R3HDM1: variants seen among roughly 807,000 people sequenced by gnomAD.
R3HDM1 encodes the protein R3H domain containing 1.
In R3HDM1, 46 loss-of-function variants were observed where a neutral mutation model predicts 141.1. The ratio of observed to expected loss-of-function variants is 0.33; its 90% confidence interval spans 0.26 to 0.42. R3HDM1 has a LOEUF of 0.42. R3HDM1 is among the 10% of genes least tolerant of loss of function. The pLI is 1.00. For missense variants in R3HDM1, 1,184 were observed against 1,368.3 expected, an observed-to-expected ratio of 0.87 and a Z score of 2.12; for synonymous variants, 435 against 472.9, an observed-to-expected ratio of 0.92 and a Z score of 1.04.
chr2:135,537,411 C>A (rs2104881944), intron 1 of R3HDM1, among the ~76,000 whole-genome samples: 1 of 149,864 alleles, frequency 6.7e-6, no homozygotes, highest in East Asian at 2.0e-4. Flanking sequence ...TCAGCCCCCC[C>A]AAGTAGCTGG....
chr2:135,576,449 C>G (rs922328588), intron 1 of R3HDM1, among the ~76,000 whole-genome samples: 1 of 151,862 alleles, frequency 6.6e-6, no homozygotes, highest in East Asian at 1.9e-4. Flanking sequence ...ATCTGAATGT[C>G]CCAGATAATA....
In R3HDM1 at chr2:135,721,934, G is replaced by A. The variant is rs1436215689; in HGVS notation, c.2892G>A (p.Arg964=). The part of the protein sequence containing the change: ...RPFVPGQGDS[R]YPLLGQPLQY... ...TTTATTGACTTTCAGGAGATTCCAGGTATCCATTACTTGGCCAGCCACTGC... is the reference window on the plus strand; with the variant it reads ...TTTATTGACTTTCAGGAGATTCCAGATATCCATTACTTGGCCAGCCACTGC... Residue 964 remains arginine (R), a synonymous_variant, in exon 25 of 27, where the codon AGG becomes AGA. Transcript: ENST00000683871. 1.9e-6 allele frequency: 3 copies of A among 1,613,088 alleles called. No individual in the cohort carries two copies. Among genetic ancestry groups the A allele is most frequent in the African/African-American group, 2.7e-5 (2 of 75,020 alleles).
intron 1 of R3HDM1, among the ~76,000 whole-genome samples, chr2:135,551,233 T>C (rs1699789916): frequency 6.6e-6 from 1 of 152,204 alleles, no homozygotes. Context: ...GCAGGCAAAC[T>C]GACAAGTTTG....
intron 19 of R3HDM1, chr2:135,668,989 C>T (rs2067925585): frequency 6.3e-6 from 2 of 316,690 alleles, no homozygotes; most frequent in Non-Finnish European, 9.1e-6. Context: ...GATGTGGAAC[C>T]TGAAATAGTG....
intron 1 of R3HDM1, among the ~76,000 whole-genome samples, chr2:135,577,414 C>CA (rs35038268): frequency 0.012 from 197 of 15,808 alleles, 31 homozygotes; most frequent in Non-Finnish European, 0.023. Context: ...ATTAAATGAC[C>CA]AAAAAAAAAA....
chr2:135,724,775 A>G lies in R3HDM1; in HGVS notation c.*483A>G, dbSNP rs1454332285. 1 of 153,046 alleles carries G rather than the reference A, an allele frequency of 6.5e-6. No individual in the cohort carries two copies. The highest frequency in any genetic ancestry group is 1.9e-4 in the East Asian group (1 of 5,192). 9.5% of individuals were successfully genotyped at this position (153,046 alleles called of 1,614,324 possible). A position where few individuals can be genotyped will look rare whatever the true frequency, so the allele number is the denominator to read the frequency against. Reference sequence around the variant, plus strand: ...CTCCTTGGGGGTTAGGGATGCTAAGAAGAGCCCACAAATAGAGGATTACTC... The same window carrying G: ...CTCCTTGGGGGTTAGGGATGCTAAGGAGAGCCCACAAATAGAGGATTACTC... On this transcript the variant is annotated 3_prime_UTR_variant, in exon 27 of 27. Transcript: ENST00000683871.
intron 11 of R3HDM1, among the ~76,000 whole-genome samples, chr2:135,638,015 A>G (rs565586944): frequency 2.0e-5 from 3 of 152,334 alleles, no homozygotes; most frequent in South Asian, 2.1e-4. Flanking sequence ...GTGTCTCGCT[A>G]TAGTTTGCTG....
chr2:135,641,434 G>A lies in R3HDM1; in HGVS notation c.1220-102G>A, dbSNP rs539689206. 282 of 1,287,186 alleles carry A rather than the reference G, an allele frequency of 2.2e-4. No individual in the cohort carries two copies. The African/African-American group carries it at 3.8e-3, about 17-fold the overall frequency. 79.7% of individuals were successfully genotyped at this position (1,287,186 alleles called of 1,614,324 possible). ...TAAAAAGAGCCAATGCTTTTATGTA[G>A]TAACTGCATGTTATGCAATGTAAAT... On this transcript the variant is annotated intron_variant, in intron 14 of 26. Coordinates refer to ENST00000683871, the MANE Select transcript of R3HDM1 (RefSeq NM_001378107.1).
At chr2:135,697,251 A>G (rs1224814660) in intron 21 of R3HDM1, among the ~76,000 whole-genome samples, 5 of 152,194 alleles carry the variant, frequency 3.3e-5, no homozygotes, top group Non-Finnish European at 7.3e-5. Flanking sequence ...TGTACTCCCT[A>G]TGGTTTATAT....
intron 3 of R3HDM1, among the ~76,000 whole-genome samples, chr2:135,611,121 TAAAAA>T (rs879886168): frequency 7.6e-6 from 1 of 132,086 alleles, no homozygotes; most frequent in Admixed American, 7.7e-5. Flanking sequence ...AAATAAAATT[TAAAAA>T]AAAAAAAAAG....
intron 3 of R3HDM1, among the ~76,000 whole-genome samples, chr2:135,610,628 C>T (rs62168785): frequency 6.6e-6 from 1 of 152,202 alleles, no homozygotes; most frequent in Non-Finnish European, 1.5e-5. Flanking sequence ...CAATGCCACG[C>T]TTCTTCGACA....
chr2:135,588,085 TTC>T (rs1019145927), intron 1 of R3HDM1, among the ~76,000 whole-genome samples: 2 of 151,888 alleles, frequency 1.3e-5, no homozygotes, highest in African/African-American at 4.8e-5. Flanking sequence ...CCTCTTTTCT[TTC>T]TCTTTCTGTC....
chr2:135,722,102 C>T, intron 25 of R3HDM1, 96 bp downstream of exon 25: 1 of 1,164,148 alleles, frequency 8.6e-7, no homozygotes, highest in South Asian at 1.3e-5. Context: ...TTGGCACTGC[C>T]CAAGAAGAGC....
intron 14 of R3HDM1, among the ~76,000 whole-genome samples, chr2:135,639,444 C>T (rs985252231): frequency 2.0e-5 from 3 of 152,000 alleles, no homozygotes; most frequent in East Asian, 1.9e-4. Flanking sequence ...ATTACTTATT[C>T]GTAGTTGGTA....
intron 21 of R3HDM1, among the ~76,000 whole-genome samples, chr2:135,688,916 A>T (rs1041808715): frequency 6.6e-6 from 1 of 152,210 alleles, no homozygotes; most frequent in African/African-American, 2.4e-5. Flanking sequence ...ATCCTGGATG[A>T]CAGAGCGAGA....
chr2:135,622,127 G>A, intron 6 of R3HDM1: 1 of 982,682 alleles, frequency 1.0e-6, no homozygotes, highest in Non-Finnish European at 1.2e-6. Flanking sequence ...CTACATTTAA[G>A]GCGAAGATAG....
intron 1 of R3HDM1, among the ~76,000 whole-genome samples, chr2:135,576,375 A>G (rs1457449718): frequency 6.6e-6 from 1 of 152,184 alleles, no homozygotes; most frequent in Admixed American, 6.5e-5. Context: ...TCGCAAAAAA[A>G]AAATAAAAAA....
chr2:135,619,296 C>T (rs931913306), intron 5 of R3HDM1, among the ~76,000 whole-genome samples: 4 of 152,014 alleles, frequency 2.6e-5, no homozygotes, highest in African/African-American at 7.2e-5. Context: ...GTGCATTTTA[C>T]CTGTTTGAAA....
chr2:135,622,536 A>T, intron 6 of R3HDM1, 118 bp from the exon 7 acceptor site: 5 of 1,350,238 alleles, frequency 3.7e-6, no homozygotes, highest in Non-Finnish European at 4.8e-6. Context: ...ACTTTGTCGA[A>T]TTTTTTTCAA....
Sources: allele counts gnomAD v4.1 joint callset (sites outside exome capture counted in the v4.1 genomes callset), GRCh38; gene constraint gnomAD v4.1.1; transcripts MANE v1.5; gene names NCBI Gene and HGNC (gene_info 2026-07-23, HGNC 2026-07-21).